Variants in NR5A2 observed in about 807,000 individuals in gnomAD.
The protein encoded by NR5A2 is nuclear receptor subfamily 5 group A member 2, also known as CYP7A promoter-binding factor.
In NR5A2, 26 loss-of-function variants were observed where a neutral mutation model predicts 62.7. The observed-to-expected ratio is 0.41, with a 90% CI of 0.30 to 0.58. NR5A2 has a LOEUF of 0.58. NR5A2 is among the 20% of genes least tolerant of loss of function. The pLI, the probability that NR5A2 is intolerant of heterozygous loss-of-function variation, is 0.22. For missense variants in NR5A2, 541 were observed against 669.1 expected (o/e 0.81, Z 2.11); for synonymous variants, 246 against 241.7 (o/e 1.02, Z -0.16).
intron 7 of NR5A2, among the ~76,000 whole-genome samples, chr1:200,160,087 AG>A (rs1191043226): frequency 3.3e-5 from 5 of 152,332 alleles, no homozygotes; most frequent in Middle Eastern, 3.4e-3. Context: ...TCTAAGACCT[AG>A]GGGATAGAAA....
At chr1:200,054,969 T>C (rs1662841842) in intron 5 of NR5A2, among the ~76,000 whole-genome samples, 1 of 151,850 alleles carries the variant, frequency 6.6e-6, no homozygotes, top group African/African-American at 2.4e-5. Context: ...TGATCATAGC[T>C]CACTGCAGCC....
intron 5 of NR5A2, among the ~76,000 whole-genome samples, chr1:200,103,700 A>G (rs1310838560): frequency 1.3e-5 from 2 of 152,266 alleles, no homozygotes; most frequent in Non-Finnish European, 2.9e-5. Flanking sequence ...AACTGCCCTC[A>G]GTTTCTGGCT....
intron 7 of NR5A2, among the ~76,000 whole-genome samples, chr1:200,123,462 G>A (rs1366511677): frequency 6.6e-6 from 1 of 152,154 alleles, no homozygotes; most frequent in Non-Finnish European, 1.5e-5. Context: ...ACAGGAGCCT[G>A]GACATGGACA....
At chr1:200,116,985 T>G (rs966598174) in intron 6 of NR5A2, among the ~76,000 whole-genome samples, 100 of 152,328 alleles carry the variant, frequency 6.6e-4, no homozygotes, top group African/African-American at 2.4e-3. Context: ...CATATTAAAA[T>G]GACAGGCATC....
At position 200,173,984 on chromosome 1, in the gene NR5A2, T is replaced by C. The variant is rs1571594833; in HGVS notation, c.1400T>C (p.Phe467Ser). 6.8e-7 allele frequency: 1 copy of C among 1,465,226 alleles called. No homozygotes were observed. The highest frequency in any genetic ancestry group is 1.5e-5 in the South Asian group (1 of 68,404). The allele number at this position is 1,465,226 out of a possible 1,614,324, so 90.8% of individuals were successfully genotyped here. ...GCAGATGTCAAAAACCTTGAAAACT[T>C]CCAGCTGGTAGAAGGTGTCCAGGAA... ...FSLDVKNLEN[F>S]QLVEGVQEQV... The change falls in exon 8 of 8, where the codon TTC becomes TCC. Residue 467 changes from phenylalanine (F) to serine (S), a missense_variant. Around this residue, in one of 3 missense-constraint regions of NR5A2, gnomAD observed 379 missense variants for 442.0 expected, o/e 0.86. Transcript: ENST00000367362.
At chr1:200,154,786 G>A (rs1653301132) in intron 7 of NR5A2, among the ~76,000 whole-genome samples, 2 of 152,218 alleles carry the variant, frequency 1.3e-5, no homozygotes, top group African/African-American at 2.4e-5. Context: ...TGATGGACAA[G>A]TCAGTAAGCT....
At chr1:200,133,576 C>T (rs1184958755) in intron 7 of NR5A2, among the ~76,000 whole-genome samples, 1 of 134,498 alleles carries the variant, frequency 7.4e-6, no homozygotes, top group Admixed American at 7.7e-5. Flanking sequence ...TATATATACA[C>T]ATATATATAC....
intron 7 of NR5A2, among the ~76,000 whole-genome samples, chr1:200,167,654 C>A (rs1653968005): frequency 6.6e-6 from 1 of 152,166 alleles, no homozygotes; most frequent in African/African-American, 2.4e-5. Context: ...AAATCCAGAC[C>A]ATCTGACATG....
At chr1:200,165,481 A>G (rs779029156) in intron 7 of NR5A2, among the ~76,000 whole-genome samples, 1 of 152,178 alleles carries the variant, frequency 6.6e-6, no homozygotes, top group Non-Finnish European at 1.5e-5. Flanking sequence ...TCACTGCCCT[A>G]GAAGTCCTCT....
intron 7 of NR5A2, among the ~76,000 whole-genome samples, chr1:200,138,196 T>TA (rs1379298021): frequency 6.6e-6 from 1 of 152,226 alleles, no homozygotes; most frequent in Admixed American, 6.5e-5. Context: ...CTTCCTGTAA[T>TA]ATATTGTTGG....
chr1:200,155,330 A>G (rs1167822932), intron 7 of NR5A2, among the ~76,000 whole-genome samples: 6 of 152,246 alleles, frequency 3.9e-5, no homozygotes, highest in Non-Finnish European at 8.8e-5. Context: ...TAAGTTTAAA[A>G]TGAAGCACAA....
At chr1:200,091,763 G>A (rs1057293323) in intron 5 of NR5A2, among the ~76,000 whole-genome samples, 28 of 152,276 alleles carry the variant, frequency 1.8e-4, no homozygotes, top group African/African-American at 5.5e-4. Flanking sequence ...GATTACAGGC[G>A]TGAGCCACTG....
intron 7 of NR5A2, among the ~76,000 whole-genome samples, chr1:200,140,876 C>G (rs1667415135): frequency 6.6e-6 from 1 of 152,080 alleles, no homozygotes; most frequent in Admixed American, 6.6e-5. Context: ...ACTAAAAATA[C>G]AAAAATTAGC....
At chr1:200,105,689 T>A (rs763575620) in intron 5 of NR5A2, among the ~76,000 whole-genome samples, 20 of 152,308 alleles carry the variant, frequency 1.3e-4, no homozygotes, top group Non-Finnish European at 2.5e-4. Context: ...CCGGGGGTCA[T>A]ACCCATAGTC....
intron 2 of NR5A2, among the ~76,000 whole-genome samples, chr1:200,042,093 T>C (rs1045308941): frequency 1.3e-5 from 2 of 152,154 alleles, no homozygotes; most frequent in African/African-American, 2.4e-5. Flanking sequence ...CCTAAAACCC[T>C]AGTGGGGGTC....
intron 5 of NR5A2, among the ~76,000 whole-genome samples, chr1:200,081,529 C>T (rs767480759): frequency 6.6e-6 from 1 of 152,210 alleles, no homozygotes; most frequent in Non-Finnish European, 1.5e-5. Flanking sequence ...CTCAGATGGA[C>T]ACCTCCATAA....
In NR5A2 at chr1:200,039,015, CCT is replaced by C. The variant is rs1383874289; in HGVS notation, c.65-642_65-641del. Among the ~76,000 whole-genome samples the C allele has an allele frequency of 2.0e-5, 3 of 152,028 alleles. No homozygotes were observed. The highest frequency in any genetic ancestry group is 2.9e-5 in the Non-Finnish European group (2 of 67,994). On this transcript the variant is annotated intron_variant, in intron 1 of 7. Coordinates refer to ENST00000367362, the MANE Select transcript of NR5A2 (RefSeq NM_205860.3). The surrounding 1 kb of genome is among the most constrained non-coding windows in gnomAD (Gnocchi z 5.1). ...CCTCCTTCTCCCCCTCGTCTTCCCC[CCT>C]GTCCTTCCCAGCACCGTCACCCTCG... is the stretch of plus-strand genomic sequence containing the variant.
In NR5A2 at chr1:200,039,877, C is replaced by A; in HGVS notation, c.202+82C>A. ...CCCTGCAGGCTTCAGCCTCCCGCCC[C>A]GCGCGGGCGCGGGAGTAGCCCCGCT... On this transcript the variant is annotated intron_variant, in intron 2 of 7. Transcript: ENST00000367362. This position sits in a 1 kb window ranked among gnomAD's most constrained non-coding sequence, Gnocchi z 5.1. 1.4e-6 allele frequency: 2 copies of A among 1,456,020 alleles called. No individual in the cohort carries two copies. The highest frequency in any genetic ancestry group is 1.4e-5 in the South Asian group (1 of 72,914). 90.2% of individuals were successfully genotyped at this position (1,456,020 alleles called of 1,614,324 possible). A position where few individuals can be genotyped will look rare whatever the true frequency, so the allele number is the denominator to read the frequency against.
Position 200,174,088 on chromosome 1 carries a change from C to T in NR5A2, c.1504C>T (p.Arg502Ter), listed in dbSNP as rs1654310245. ...AGAGAAATTTGGACAGCTACTTCTTCGACTACCCGAAATCCGGGCCATCAG... is the reference window on the plus strand; with the variant it reads ...AGAGAAATTTGGACAGCTACTTCTTTGACTACCCGAAATCCGGGCCATCAG... ...QTEKFGQLLL[R>*]LPEIRAISMQ... Residue 502 changes from arginine (R) to a stop codon, truncating the protein, a stop_gained, in exon 8 of 8, where the codon CGA (arginine) becomes TGA (stop). Coordinates refer to ENST00000367362, the MANE Select transcript of NR5A2 (RefSeq NM_205860.3). LOFTEE classifies it high-confidence loss of function. 6.2e-7 allele frequency: 1 copy of T among 1,613,678 alleles called. No individual in the cohort carries two copies. Among genetic ancestry groups the T allele is most frequent in the Non-Finnish European group, 8.5e-7 (1 of 1,179,928 alleles).
Sources: allele counts gnomAD v4.1 joint callset (sites outside exome capture counted in the v4.1 genomes callset), GRCh38; gene constraint gnomAD v4.1.1; regional missense constraint gnomAD v4.1.1; non-coding constraint Gnocchi (gnomAD v3.1); transcripts MANE v1.5; gene names NCBI Gene and HGNC (gene_info 2026-07-23, HGNC 2026-07-21).